The following ADCY9 variants were observed in gnomAD, a reference collection of about 807,000 sequenced individuals.
ADCY9 encodes the protein adenylate cyclase 9, also known as adenylate cyclase type 9.
A neutral mutation model predicts 101.5 loss-of-function variants in ADCY9; 50 were observed. The ratio of observed to expected loss-of-function variants is 0.49; its 90% CI spans 0.39 to 0.62. ADCY9 has a LOEUF of 0.62. Among genes scored for constraint, ADCY9 ranks in the 20% least tolerant of loss-of-function variants. The pLI, the probability that ADCY9 is intolerant of heterozygous loss-of-function variation, is 0.00. For missense variants in ADCY9, 1,662 were observed against 1,800.4 expected, an observed-to-expected ratio of 0.92 and a Z score of 1.39; for synonymous variants, 905 against 769.3, an observed-to-expected ratio of 1.18 and a Z score of -2.92.
intron 2 of ADCY9, among the ~76,000 whole-genome samples, chr16:4,035,638 C>T (rs999950619): frequency 6.6e-6 from 1 of 152,144 alleles, no homozygotes; most frequent in Non-Finnish European, 1.5e-5. Context: ...TCACTTCTTT[C>T]TTCCTTCTCA....
At chr16:3,967,399 T>C in intron 10 of ADCY9, among the ~76,000 whole-genome samples, 1 of 151,994 alleles carries the variant, frequency 6.6e-6, no homozygotes, top group South Asian at 2.1e-4. Flanking sequence ...CTTTTCTCTC[T>C]CTCCTTTGTT....
Position 3,956,488 on chromosome 16 carries a change from C to CTTTTTTTTTTTTTTT in ADCY9, c.568-2987_568-2973dup. ...AAGGACAAGACACCAGCGCAATGAG[C>CTTTTTTTTTTTTTTT]TTTTTTTTTTTTTTTGGGGGGGGAT... On this transcript the variant is annotated intron_variant, in intron 5 of 5. Coordinates refer to the ADCY9 transcript ENST00000576936. Among the ~76,000 whole-genome samples, 141 of 68,770 alleles carry CTTTTTTTTTTTTTTT rather than the reference C, an allele frequency of 2.1e-3. 16 individuals are homozygous for CTTTTTTTTTTTTTTT. Among genetic ancestry groups the CTTTTTTTTTTTTTTT allele is most frequent in the African/African-American group, 3.0e-3 (46 of 15,136 alleles). 45.1% of individuals were successfully genotyped at this position (68,770 alleles called of 152,430 possible). A position where few individuals can be genotyped will look rare whatever the true frequency, so the allele number is the denominator to read the frequency against.
intron 2 of ADCY9, among the ~76,000 whole-genome samples, chr16:4,063,408 A>G (rs547246421): frequency 6.6e-6 from 1 of 152,258 alleles, no homozygotes; most frequent in Non-Finnish European, 1.5e-5. Context: ...AAAAGTCTCA[A>G]GTTAATAAAC....
chr16:3,978,337 C>T (rs956692147), intron 8 of ADCY9, among the ~76,000 whole-genome samples: 4 of 152,174 alleles, frequency 2.6e-5, no homozygotes, highest in Non-Finnish European at 5.9e-5. Flanking sequence ...TCAGCCCGCC[C>T]GGAAGCTCAT....
At chr16:4,014,581 G>A (rs2056425479) in intron 2 of ADCY9, among the ~76,000 whole-genome samples, 1 of 151,728 alleles carries the variant, frequency 6.6e-6, no homozygotes, top group Non-Finnish European at 1.5e-5. Flanking sequence ...CTGAGTAGCT[G>A]GAATTACAGG....
intron 2 of ADCY9, among the ~76,000 whole-genome samples, chr16:4,039,476 C>T (rs1227203675): frequency 2.0e-5 from 3 of 151,230 alleles, no homozygotes; most frequent in East Asian, 2.0e-4. Flanking sequence ...GTCAGGAGTT[C>T]GAGGCCAGCC....
rs962325587 is a variant in ADCY9 at position 4,010,299 on chromosome 16, C to T, written c.1694-2741G>A. ...GTCAAGATGGCCTCTCCTAGAAGTG[C>T]GTGGCAACTGAAGCTGAGAGAGGCT... On this transcript the variant is annotated intron_variant, in intron 2 of 10. Transcript: ENST00000294016. Among the ~76,000 whole-genome samples, 4 of 152,176 alleles carry T rather than the reference C, an allele frequency of 2.6e-5. No individual in the cohort carries two copies. The South Asian group carries it at 8.3e-4, about 31-fold the overall frequency.
intron 3 of ADCY9, among the ~76,000 whole-genome samples, chr16:4,001,785 T>C (rs2141715366): frequency 6.6e-6 from 1 of 151,596 alleles, no homozygotes; most frequent in African/African-American, 2.4e-5. Context: ...AATCTCACTC[T>C]GTTGCCCAGG....
intron 2 of ADCY9, among the ~76,000 whole-genome samples, chr16:4,056,094 T>G (rs1007682819): frequency 2.0e-5 from 3 of 152,192 alleles, no homozygotes; most frequent in Non-Finnish European, 4.4e-5. Context: ...ACCCGAAAGC[T>G]GCGCCCTCCC....
chr16:4,064,301 T>C (rs1170049289), intron 2 of ADCY9, among the ~76,000 whole-genome samples: 1 of 152,216 alleles, frequency 6.6e-6, no homozygotes, highest in East Asian at 1.9e-4. Context: ...ATTGTTAAGA[T>C]GGCATTTCTT....
At chr16:4,041,074 A>T (rs1288134296) in intron 2 of ADCY9, among the ~76,000 whole-genome samples, 3 of 152,198 alleles carry the variant, frequency 2.0e-5, no homozygotes, top group African/African-American at 7.2e-5. Context: ...CCAGGGAGGA[A>T]AATCATATAG....
intron 3 of ADCY9, among the ~76,000 whole-genome samples, chr16:3,997,560 G>A (rs1254570074): frequency 1.3e-5 from 2 of 152,260 alleles, no homozygotes; most frequent in African/African-American, 2.4e-5. Flanking sequence ...ATGAGGCTGC[G>A]CTTGCAGAAG....
intron 2 of ADCY9, among the ~76,000 whole-genome samples, chr16:4,047,114 C>T (rs919461075): frequency 3.3e-5 from 5 of 152,014 alleles, no homozygotes; most frequent in South Asian, 2.1e-4. Flanking sequence ...CTAATTTCTT[C>T]GTTTTTTAAA....
chr16:4,080,154 C>T (rs2532012), intron 2 of ADCY9, among the ~76,000 whole-genome samples: 1 of 151,996 alleles, frequency 6.6e-6, no homozygotes, highest in African/African-American at 2.4e-5. Flanking sequence ...ACAGAAAACT[C>T]AAACACAAAA....
chr16:4,028,983 CCATCTTGGT>C (rs1400352034), intron 2 of ADCY9, among the ~76,000 whole-genome samples: 1 of 152,028 alleles, frequency 6.6e-6, no homozygotes, highest in Non-Finnish European at 1.5e-5. Flanking sequence ...CGGGGTTTCA[CCATCTTGGT>C]CAGGCTGGTC....
chr16:3,958,209 G>A (rs557853082), downstream of ADCY9, among the ~76,000 whole-genome samples: 1 of 152,040 alleles, frequency 6.6e-6, no homozygotes, highest in South Asian at 2.1e-4. Context: ...GGACCCTCCC[G>A]CCAGGACCCC....
chr16:4,058,157 T>TAA (rs56278937), intron 2 of ADCY9, among the ~76,000 whole-genome samples: 2 of 125,750 alleles, frequency 1.6e-5, no homozygotes, highest in African/African-American at 3.1e-5. Flanking sequence ...AGACTCTGTC[T>TAA]AAAAAAAAAA....
intron 5 of ADCY9, among the ~76,000 whole-genome samples, chr16:3,991,531 C>T (rs1000799021): frequency 5.9e-5 from 9 of 152,166 alleles, no homozygotes; most frequent in Admixed American, 2.0e-4. Flanking sequence ...GAGGCCGAGG[C>T]GGGCAGATCA....
At chr16:4,091,155 C>T (rs1385080902) in intron 2 of ADCY9, among the ~76,000 whole-genome samples, 1 of 152,162 alleles carries the variant, frequency 6.6e-6, no homozygotes, top group Non-Finnish European at 1.5e-5. Context: ...CTCACTGCAA[C>T]CTCTGCCTTC....
Sources: gnomAD v4.1 joint callset for allele counts (sites outside exome capture counted in the v4.1 genomes callset) on GRCh38, gnomAD v4.1.1 for gene constraint, MANE v1.5 for transcripts, NCBI Gene and HGNC (gene_info 2026-07-23, HGNC 2026-07-21) for gene names.